DNAAF9: variants seen among roughly 807,000 people sequenced by gnomAD.
DNAAF9 encodes the protein dynein axonemal assembly factor 9.
DNAAF9 carries 90 observed loss-of-function variants against 167.0 expected under a neutral mutation model. That is an observed-to-expected ratio of 0.54 (90% CI 0.45 to 0.64). The LOEUF is 0.64. Ranked by LOEUF, DNAAF9 falls within the 30% of genes least tolerant of loss-of-function variation. The pLI is 0.00. For synonymous variants in DNAAF9, 491 were observed against 508.8 expected, an observed-to-expected ratio of 0.96 and a Z score of 0.47; for missense variants, 1,315 against 1,442.2, an observed-to-expected ratio of 0.91 and a Z score of 1.43.
At chr20:3,316,653 G>T (rs772470778) in intron 18 of DNAAF9, 70 bp downstream of exon 18, 483 of 1,090,600 alleles carry the variant, frequency 4.4e-4, no homozygotes, top group Non-Finnish European at 6.5e-4. Flanking sequence ...CAACAAAGAG[G>T]CTCTTCCTCA....
rs1368064280 is a variant in DNAAF9, at chr20:3,251,705, A to G, written c.*867T>C. 1 of 152,252 alleles carries G rather than the reference A, an allele frequency of 6.6e-6. No homozygotes were observed. Among genetic ancestry groups the G allele is most frequent in the Non-Finnish European group, 1.5e-5 (1 of 68,088 alleles). 9.4% of individuals were successfully genotyped at this position (152,252 alleles called of 1,614,324 possible). On this transcript the variant is annotated 3_prime_UTR_variant, in exon 37 of 37. Transcript: ENST00000252032. ...CTTGTGGGAGCGCTGGGTGCTGGAGACTGACCCCACAAGTGATCAGCCACC... is the reference window on the plus strand; with the variant it reads ...CTTGTGGGAGCGCTGGGTGCTGGAGGCTGACCCCACAAGTGATCAGCCACC...
intron 32 of DNAAF9, 60 bp downstream of exon 32, chr20:3,259,862 G>T: frequency 1.0e-6 from 1 of 959,300 alleles, no homozygotes; most frequent in Non-Finnish European, 1.7e-6. Flanking sequence ...GTACCAGGAG[G>T]CAGAATTAAC....
chr20:3,278,175 T>C (rs552886493), intron 29 of DNAAF9, among the ~76,000 whole-genome samples: 5 of 152,270 alleles, frequency 3.3e-5, no homozygotes, highest in African/African-American at 7.2e-5. Flanking sequence ...GAATGCAACC[T>C]GCAGGATGGG....
intron 6 of DNAAF9, among the ~76,000 whole-genome samples, 200 bp from the exon 7 acceptor site, chr20:3,359,793 T>G (rs1381480346): frequency 6.6e-6 from 1 of 152,224 alleles, no homozygotes; most frequent in Non-Finnish European, 1.5e-5. Context: ...TTTCAGAAAC[T>G]TTGGTACTGA....
At chr20:3,280,779 TTAATTTA>T (rs766152846) in intron 28 of DNAAF9, among the ~76,000 whole-genome samples, 26 of 151,384 alleles carry the variant, frequency 1.7e-4, no homozygotes, top group Non-Finnish European at 2.8e-4. Context: ...CCACACCTGG[TTAATTTA>T]TTTTTTTGGC....
In DNAAF9 at chr20:3,281,663, T is replaced by G; in HGVS notation, c.2590A>C (p.Met864Leu). ...IGAITACVEP[M>L]SCYMEHRFLF... is the part of the protein sequence containing the mutation. ...TACCTGTGCTCCATGTAGCAGCTCA[T>G]GGGCTCCACACATGCTGTGATGGCA... The change falls in exon 28 of 37, where the codon ATG becomes CTG. Residue 864 changes from methionine to leucine, a missense_variant. This residue lies in a region of DNAAF9 where 334 missense variants were observed against 429.7 expected (regional missense o/e 0.78). Transcript: ENST00000252032. The G allele has an allele frequency of 6.2e-7, 1 of 1,612,088 alleles. No individual in the cohort carries two copies. Among genetic ancestry groups the G allele is most frequent in the Non-Finnish European group, 8.5e-7 (1 of 1,179,240 alleles).
chr20:3,325,358 A>C (rs1397007487), intron 13 of DNAAF9, among the ~76,000 whole-genome samples: 3 of 152,258 alleles, frequency 2.0e-5, no homozygotes, highest in Admixed American at 1.3e-4. Context: ...CCAGATGCTA[A>C]GAATATCCAA....
intron 5 of DNAAF9, 100 bp from the exon 6 acceptor site, chr20:3,374,254 G>T: frequency 1.5e-6 from 1 of 660,500 alleles, no homozygotes. Flanking sequence ...TTCTCACGTG[G>T]TCACCAGGGC....
intron 14 of DNAAF9, 76 bp downstream of exon 14, chr20:3,324,816 T>C: frequency 1.3e-6 from 1 of 773,638 alleles, no homozygotes; most frequent in Non-Finnish European, 2.2e-6. Context: ...AGATGAAATC[T>C]AAATTATAAG....
chr20:3,338,648 A>ATTT (rs140772082), intron 10 of DNAAF9, among the ~76,000 whole-genome samples: 19 of 121,786 alleles, frequency 1.6e-4, no homozygotes, highest in East Asian at 7.1e-4. Flanking sequence ...TTCTTGGATG[A>ATTT]TTTTTTTTTT....
intron 31 of DNAAF9, among the ~76,000 whole-genome samples, chr20:3,262,081 A>G (rs552677213): frequency 1.3e-5 from 2 of 152,220 alleles, no homozygotes; most frequent in African/African-American, 4.8e-5. Context: ...AGAGGGGAGT[A>G]ATATATAGAG....
chr20:3,281,754 A>G lies in DNAAF9; in HGVS notation c.2499T>C (p.Val833=). 1 of 1,611,832 alleles carries G rather than the reference A, an allele frequency of 6.2e-7. No homozygotes were observed. The highest frequency in any genetic ancestry group is 8.5e-7 in the Non-Finnish European group (1 of 1,179,148). ...TCTGCAGGGCCTGGACAACATCAATAACATCTGTGTAGCTGGGGAAGGTAA... is the reference window on the plus strand; with the variant it reads ...TCTGCAGGGCCTGGACAACATCAATGACATCTGTGTAGCTGGGGAAGGTAA... The part of the protein sequence containing the change: ...LLVVLQGYTD[V]IDVVQALQTH... Residue 833 remains valine (V), a synonymous_variant, in exon 28 of 37, where the codon GTT becomes GTC. Transcript: ENST00000252032.
At chr20:3,350,474 G>A (rs1487913382) in intron 7 of DNAAF9, among the ~76,000 whole-genome samples, 1 of 152,114 alleles carries the variant, frequency 6.6e-6, no homozygotes, top group Admixed American at 6.6e-5. Context: ...ATATTAGGAG[G>A]AGGGAGACAG....
intron 30 of DNAAF9, among the ~76,000 whole-genome samples, chr20:3,266,193 A>G (rs1313749204): frequency 6.6e-6 from 1 of 152,208 alleles, no homozygotes; most frequent in East Asian, 1.9e-4. Flanking sequence ...ACTGCATCAC[A>G]TCAAGGAGGT....
At chr20:3,270,649 C>G in intron 29 of DNAAF9, 87 bp from the exon 30 acceptor site, 1 of 1,122,520 alleles carries the variant, frequency 8.9e-7, no homozygotes, top group Admixed American at 2.1e-5. Context: ...GCTCCATCCC[C>G]TAATCATGCC....
intron 21 of DNAAF9, among the ~76,000 whole-genome samples, chr20:3,302,364 C>A (rs566245581): frequency 6.6e-6 from 1 of 152,070 alleles, no homozygotes; most frequent in Non-Finnish European, 1.5e-5. Flanking sequence ...AGAAATCCAT[C>A]AACTCAAACA....
At chr20:3,296,008 G>C in intron 23 of DNAAF9, 1 of 1,382,134 alleles carries the variant, frequency 7.2e-7, no homozygotes, top group Non-Finnish European at 1.0e-6. Flanking sequence ...TGTACACATC[G>C]GGAACTTCGG....
At chr20:3,369,303 C>G (rs111474678) in intron 6 of DNAAF9, among the ~76,000 whole-genome samples, 2 of 151,810 alleles carry the variant, frequency 1.3e-5, no homozygotes, top group African/African-American at 4.8e-5. Context: ...CTTATGGTAT[C>G]GTGGCCTCCT....
At chr20:3,294,284 G>T in intron 24 of DNAAF9, 28 bp from the exon 25 acceptor site, 1 of 1,453,868 alleles carries the variant, frequency 6.9e-7, no homozygotes, top group East Asian at 2.3e-5. Context: ...ATGCTATTAT[G>T]TTACCATCCT....
Sources: gnomAD v4.1 joint callset for allele counts (sites outside exome capture counted in the v4.1 genomes callset) on GRCh38, gnomAD v4.1.1 for gene constraint, gnomAD v4.1.1 regional missense constraint, MANE v1.5 for transcripts, NCBI Gene and HGNC (gene_info 2026-07-23, HGNC 2026-07-21) for gene names.